Variants in KMT2C observed in about 807,000 individuals in gnomAD.
KMT2C encodes lysine methyltransferase 2C.
Under a neutral mutation model 507.9 loss-of-function variants are expected in KMT2C, and 88 were observed. The ratio of observed to expected loss-of-function variants is 0.17; its 90% CI spans 0.15 to 0.21. The LOEUF (loss-of-function observed/expected upper bound fraction) is 0.21. Among genes scored for constraint, KMT2C ranks in the 10% least tolerant of loss-of-function variants. The pLI, the probability that KMT2C is intolerant of heterozygous loss-of-function variation, is 1.00. For synonymous variants in KMT2C, 2,049 were observed against 2,080.8 expected (o/e 0.98, Z 0.42); for missense variants, 4,954 against 5,957.8 (o/e 0.83, Z 5.55).
chr7:152,352,034 C>A (rs774731302), intron 2 of KMT2C, among the ~76,000 whole-genome samples: 9 of 151,748 alleles, frequency 5.9e-5, no homozygotes, highest in Non-Finnish European at 8.8e-5. Flanking sequence ...AACAGAGCCA[C>A]ATTTCTCTTC....
intron 2 of KMT2C, among the ~76,000 whole-genome samples, chr7:152,334,603 A>G (rs1458229477): frequency 6.6e-6 from 1 of 152,118 alleles, no homozygotes; most frequent in East Asian, 1.9e-4. Context: ...TCTCACCGAG[A>G]GAATATGACC....
chr7:152,315,416 T>C (rs1265604468), intron 3 of KMT2C, 78 bp from the exon 4 acceptor site: 14 of 1,012,404 alleles, frequency 1.4e-5, no homozygotes, highest in Middle Eastern at 4.2e-4. Context: ...CTATAGATAC[T>C]TGTGCTTTTA....
intron 39 of KMT2C, 25 bp from the exon 40 acceptor site, chr7:152,171,367 T>C (rs377252678): frequency 5.5e-6 from 8 of 1,465,806 alleles, no homozygotes; most frequent in Admixed American, 1.9e-5. Context: ...TACACAAGTA[T>C]CAAGTGATGA....
At chr7:152,217,010 C>T (rs1033686915) in intron 23 of KMT2C, among the ~76,000 whole-genome samples, 1 of 152,160 alleles carries the variant, frequency 6.6e-6, no homozygotes, top group African/African-American at 2.4e-5. Flanking sequence ...TAAATGAGAA[C>T]ACTAGCATCA....
chr7:152,393,655 T>C (rs2097518049), intron 1 of KMT2C, among the ~76,000 whole-genome samples: 1 of 152,094 alleles, frequency 6.6e-6, no homozygotes, highest in African/African-American at 2.4e-5. Context: ...GGCTCATGCC[T>C]GTAATCCCAA....
intron 1 of KMT2C, among the ~76,000 whole-genome samples, chr7:152,373,638 C>T (rs2097307246): frequency 6.6e-6 from 1 of 152,164 alleles, no homozygotes; most frequent in Non-Finnish European, 1.5e-5. Context: ...CTAATGTCTA[C>T]TTAGAAAATA....
Position 152,163,318 on chromosome 7 carries a change from T to A in KMT2C, c.10259A>T (p.Asp3420Val). 2 of 1,614,234 alleles carry A rather than the reference T, an allele frequency of 1.2e-6. No individual in the cohort carries two copies. The highest frequency in any genetic ancestry group is 1.7e-6 in the Non-Finnish European group (2 of 1,180,036). ...RQRIQLMQEVDRQRALQQRME... is the reference protein window; with the variant it reads ...RQRIQLMQEVVRQRALQQRME... ...CCTCTGCTGCAAAGCTCTTTGTCTA[T>A]CTACCTCCTGCATGAGTTGGATCCG... is the stretch of plus-strand genomic sequence containing the variant. Residue 3420 changes from aspartate to valine, a missense_variant, in exon 43 of 59, where the codon GAT becomes GTT. Around this residue, in one of 29 missense-constraint regions of KMT2C, gnomAD observed 801 missense variants for 751.2 expected, o/e 1.07. Coordinates refer to ENST00000262189, the MANE Select transcript of KMT2C (RefSeq NM_170606.3).
intron 6 of KMT2C, among the ~76,000 whole-genome samples, chr7:152,280,558 G>A (rs1474299066): frequency 1.3e-5 from 2 of 151,692 alleles, no homozygotes; most frequent in African/African-American, 4.8e-5. Flanking sequence ...GAAAGAAAAT[G>A]GCGAGCTCAG....
At chr7:152,364,810 T>C (rs1056532386) in intron 1 of KMT2C, among the ~76,000 whole-genome samples, 8 of 151,990 alleles carry the variant, frequency 5.3e-5, no homozygotes, top group African/African-American at 1.7e-4. Context: ...AACTAATATG[T>C]GTGAGGTTGG....
At chr7:152,335,241 G>A (rs907358486) in intron 2 of KMT2C, among the ~76,000 whole-genome samples, 2 of 152,094 alleles carry the variant, frequency 1.3e-5, no homozygotes, top group African/African-American at 4.8e-5. Flanking sequence ...CTCTCTGCCT[G>A]CCTATTATAT....
At chr7:152,305,371 G>A (rs979565218) in intron 6 of KMT2C, among the ~76,000 whole-genome samples, 1 of 152,190 alleles carries the variant, frequency 6.6e-6, no homozygotes, top group African/African-American at 2.4e-5. Context: ...AAGGATATGA[G>A]GGGGCAACAC....
At chr7:152,367,438 G>T in intron 1 of KMT2C, 1 of 722,826 alleles carries the variant, frequency 1.4e-6, no homozygotes, top group Non-Finnish European at 2.4e-6. Flanking sequence ...GGCTGGTCTG[G>T]AACTCCTGAG....
At chr7:152,346,330 G>A (rs567154728) in intron 2 of KMT2C, among the ~76,000 whole-genome samples, 8 of 152,152 alleles carry the variant, frequency 5.3e-5, no homozygotes, top group Non-Finnish European at 8.8e-5. Flanking sequence ...ACCACATTCT[G>A]AGCCATAAAA....
chr7:152,181,342 G>A lies in KMT2C; in HGVS notation c.6518C>T (p.Pro2173Leu), dbSNP rs374011402. 46 of 1,614,000 alleles carry A rather than the reference G, an allele frequency of 2.9e-5. No homozygotes were observed. The highest frequency in any genetic ancestry group is 3.7e-5 in the Non-Finnish European group (44 of 1,180,004). Residue 2173 changes from proline to leucine, a missense_variant, in exon 36 of 59, where the codon CCA becomes CTA. Pro to Leu is a moderately conservative substitution (Grantham distance 98, BLOSUM62 -3). This residue lies in a region of KMT2C where 1,689 missense variants were observed against 1,654.3 expected (regional missense o/e 1.02). Transcript: ENST00000262189. ...PGTPRPTTVDPYSQQPQTPRP... is the reference protein window; with the variant it reads ...PGTPRPTTVDLYSQQPQTPRP... ...TGGGGTTTGGGGCTGCTGACTATAT[G>A]GGTCAACAGTAGTAGGCCGGGGAGT...
At chr7:152,335,441 T>C (rs1378074290) in intron 2 of KMT2C, among the ~76,000 whole-genome samples, 1 of 152,140 alleles carries the variant, frequency 6.6e-6, no homozygotes, top group African/African-American at 2.4e-5. Flanking sequence ...CTTCAGAAAC[T>C]TACCAACAAT....
intron 6 of KMT2C, among the ~76,000 whole-genome samples, chr7:152,291,975 T>C (rs2096433881): frequency 6.6e-6 from 1 of 152,234 alleles, no homozygotes; most frequent in Non-Finnish European, 1.5e-5. Flanking sequence ...AATTATAGCC[T>C]AATTTCCATT....
chr7:152,365,893 G>A (rs1159074252), intron 1 of KMT2C, among the ~76,000 whole-genome samples: 2 of 151,928 alleles, frequency 1.3e-5, no homozygotes, highest in East Asian at 3.9e-4. Flanking sequence ...GGATGAGGTG[G>A]GACGAACACC....
intron 13 of KMT2C, 137 bp from the exon 14 acceptor site, chr7:152,248,757 T>A: frequency 1.7e-6 from 1 of 594,460 alleles, no homozygotes; most frequent in Non-Finnish European, 2.9e-6. Flanking sequence ...ATTAAGTGAA[T>A]GAAAGCCAAA....
In KMT2C at chr7:152,181,882, T is replaced by C; in HGVS notation, c.5978A>G (p.Gln1993Arg). Residue 1993 changes from glutamine (Q) to arginine (R), a missense_variant, in exon 36 of 59, where the codon CAA (glutamine) becomes CGA (arginine). Gln to Arg is a conservative substitution (Grantham distance 43, BLOSUM62 1). Transcript: ENST00000262189. Reference protein sequence around the residue: ...GLSRSPVVSEQTAKGPIAAGT... With the variant: ...GLSRSPVVSERTAKGPIAAGT... ...AGCTGCTATAGGGCCTTTTGCAGTTTGTTCTGAAACTACAGGAGACCGGGA... is the reference window on the plus strand; with the variant it reads ...AGCTGCTATAGGGCCTTTTGCAGTTCGTTCTGAAACTACAGGAGACCGGGA... The C allele has an allele frequency of 6.2e-7, 1 of 1,614,198 alleles. No individual in the cohort carries two copies. The highest frequency in any genetic ancestry group is 8.5e-7 in the Non-Finnish European group (1 of 1,180,034).
Sources: gnomAD v4.1 joint callset for allele counts (sites outside exome capture counted in the v4.1 genomes callset) on GRCh38, gnomAD v4.1.1 for gene constraint, gnomAD v4.1.1 regional missense constraint, MANE v1.5 for transcripts, NCBI Gene and HGNC (gene_info 2026-07-23, HGNC 2026-07-21) for gene names.